KAZN: variants seen among roughly 807,000 people sequenced by gnomAD.
KAZN encodes the protein kazrin.
Under a neutral mutation model 87.4 loss-of-function variants are expected in KAZN, and 40 were observed. That is an observed-to-expected ratio of 0.46 (90% confidence interval 0.36 to 0.60). The LOEUF (loss-of-function observed/expected upper bound fraction) is 0.60. Among genes scored for constraint, KAZN ranks in the 20% least tolerant of loss-of-function variants. The pLI is 0.00. For missense variants in KAZN, 898 were observed against 1,073.9 expected (o/e 0.84, Z 2.29); for synonymous variants, 466 against 458.3 (o/e 1.02, Z -0.22).
intron 2 of KAZN, among the ~76,000 whole-genome samples, chr1:14,257,741 A>G (rs1031582044): frequency 1.4e-5 from 2 of 139,364 alleles, no homozygotes; most frequent in Non-Finnish European, 3.0e-5. Flanking sequence ...GGAATTGAAC[A>G]ATGAGATCCC....
intron 1 of KAZN, among the ~76,000 whole-genome samples, chr1:13,938,331 C>A (rs1640816139): frequency 6.6e-6 from 1 of 152,034 alleles, no homozygotes; most frequent in African/African-American, 2.4e-5. Context: ...CTTGATCATT[C>A]CTGGTGTATA....
At chr1:15,095,317 A>G (rs1420502659) in intron 10 of KAZN, among the ~76,000 whole-genome samples, 2 of 151,702 alleles carry the variant, frequency 1.3e-5, no homozygotes, top group Non-Finnish European at 2.9e-5. Flanking sequence ...GGGTGAGGAA[A>G]AACGGTGCAA....
chr1:14,250,580 A>G (rs1195002967), intron 2 of KAZN, among the ~76,000 whole-genome samples: 1 of 151,962 alleles, frequency 6.6e-6, no homozygotes, highest in African/African-American at 2.4e-5. Flanking sequence ...AAAAAAGTTG[A>G]TGGTGAGATT....
chr1:14,573,137 A>G (rs1334272881), intron 2 of KAZN, among the ~76,000 whole-genome samples: 4 of 150,500 alleles, frequency 2.7e-5, no homozygotes, highest in African/African-American at 1.0e-4. Context: ...CCTCCCTCCT[A>G]GGGGTCAGTA....
chr1:14,540,016 A>G (rs1422845337), intron 2 of KAZN, among the ~76,000 whole-genome samples: 2 of 152,166 alleles, frequency 1.3e-5, no homozygotes, highest in African/African-American at 4.8e-5. Context: ...TCTAAGTAGA[A>G]TTCTCTGTAT....
chr1:14,156,380 A>G (rs1048262236), intron 1 of KAZN, among the ~76,000 whole-genome samples: 1 of 152,106 alleles, frequency 6.6e-6, no homozygotes, highest in Non-Finnish European at 1.5e-5. Context: ...GTTAAATCCA[A>G]TGTTTCTTTG....
At chr1:13,976,616 T>C (rs1173576511) in intron 1 of KAZN, among the ~76,000 whole-genome samples, 2 of 152,116 alleles carry the variant, frequency 1.3e-5, no homozygotes, top group African/African-American at 2.4e-5. Flanking sequence ...TAGGCAATTG[T>C]ACATTACACT....
intron 2 of KAZN, among the ~76,000 whole-genome samples, chr1:14,978,894 A>C (rs1665942225): frequency 6.6e-6 from 1 of 152,044 alleles, no homozygotes; most frequent in Non-Finnish European, 1.5e-5. Flanking sequence ...GGAAGAGGGC[A>C]GTGGGAGGGA....
chr1:14,447,493 C>A (rs6687683), intron 2 of KAZN, among the ~76,000 whole-genome samples: 4 of 152,046 alleles, frequency 2.6e-5, no homozygotes, highest in Middle Eastern at 3.4e-3. Context: ...CCCGCCTTGG[C>A]CTCCCAAAGT....
At chr1:14,580,813 G>T (rs924529485) in intron 2 of KAZN, among the ~76,000 whole-genome samples, 13 of 152,170 alleles carry the variant, frequency 8.5e-5, no homozygotes, top group African/African-American at 2.6e-4. Context: ...TCGATCATTC[G>T]ATGTCATCAA....
chr1:13,948,663 C>T (rs1004301622), intron 1 of KAZN, among the ~76,000 whole-genome samples: 3 of 152,076 alleles, frequency 2.0e-5, no homozygotes, highest in African/African-American at 4.8e-5. Context: ...AGCCTTACCC[C>T]CAAGACCTCT....
At chr1:14,697,153 A>AAAAAAGAAAG (rs1641655557) in intron 1 of KAZN, among the ~76,000 whole-genome samples, 1 of 130,412 alleles carries the variant, frequency 7.7e-6, no homozygotes, top group Non-Finnish European at 1.7e-5. Context: ...AAAAAAAAAA[A>AAAAAAGAAAG]AAAAGAAAAG....
chr1:15,007,388 A>C (rs1231007515), intron 2 of KAZN, among the ~76,000 whole-genome samples: 1 of 152,354 alleles, frequency 6.6e-6, no homozygotes, highest in African/African-American at 2.4e-5. Flanking sequence ...ATGAGCTAGG[A>C]ATGTAATGTT....
chr1:14,573,860 A>G (rs1250083874), intron 2 of KAZN, among the ~76,000 whole-genome samples: 1 of 152,128 alleles, frequency 6.6e-6, no homozygotes, highest in Non-Finnish European at 1.5e-5. Context: ...TATGAATAGT[A>G]CCTGAAACAA....
At chr1:14,094,812 C>A (rs1298403297) in intron 1 of KAZN, among the ~76,000 whole-genome samples, 3 of 152,108 alleles carry the variant, frequency 2.0e-5, no homozygotes, top group East Asian at 3.9e-4. Flanking sequence ...TTTCTAAAAT[C>A]CCTTAGAAAA....
intron 1 of KAZN, among the ~76,000 whole-genome samples, chr1:14,940,076 G>A (rs549293596): frequency 1.2e-3 from 187 of 152,288 alleles, no homozygotes; most frequent in African/African-American, 4.2e-3. Context: ...GGTTTGGCAG[G>A]CCATGGATCA....
intron 1 of KAZN, among the ~76,000 whole-genome samples, chr1:14,174,068 G>A (rs4145433): frequency 0.12 from 18,729 of 152,218 alleles, 1,276 homozygotes; most frequent in East Asian, 0.33. Flanking sequence ...CACATATTCA[G>A]CTTGCATTAA....
chr1:14,866,732 A>G lies in KAZN; in HGVS notation c.227-93952A>G, dbSNP rs535606035. 2.0e-5 allele frequency among the ~76,000 whole-genome samples: 3 copies of G among 152,266 alleles called. No individual in the cohort carries two copies. In the South Asian group the frequency reaches 6.2e-4, roughly 32 times the overall value. Reference sequence around the variant, plus strand: ...ACAGACTGAGACTGTGTCTCTTAAAAAAAAAAAATGTTGAAGGATAATACC... The same window carrying G: ...ACAGACTGAGACTGTGTCTCTTAAAGAAAAAAAATGTTGAAGGATAATACC... On this transcript the variant is annotated intron_variant, in intron 1 of 14. Transcript: ENST00000376030.
intron 1 of KAZN, among the ~76,000 whole-genome samples, chr1:14,766,887 G>C (rs1351126352): frequency 1.3e-5 from 2 of 151,900 alleles, no homozygotes; most frequent in Non-Finnish European, 2.9e-5. Flanking sequence ...TAAACATTCA[G>C]TGCCCTTTAG....
Sources: gnomAD v4.1 joint callset for allele counts (sites outside exome capture counted in the v4.1 genomes callset) on GRCh38, gnomAD v4.1.1 for gene constraint, MANE v1.5 for transcripts, NCBI Gene and HGNC (gene_info 2026-07-23, HGNC 2026-07-21) for gene names.